Variants in PCDH15 observed in about 807,000 individuals in gnomAD.
The protein encoded by PCDH15 is protocadherin related 15, also known as protocadherin-15.
A neutral mutation model predicts 178.5 loss-of-function variants in PCDH15; 129 were observed. The observed-to-expected ratio is 0.72, with a 90% CI of 0.63 to 0.84. The LOEUF (loss-of-function observed/expected upper bound fraction) is 0.84, where lower values mean the gene tolerates loss of function less well. Among genes scored for constraint, PCDH15 ranks in the 40% least tolerant of loss-of-function variants. PCDH15 has a pLI of 0.00. For missense variants in PCDH15, 2,230 were observed against 2,099.9 expected, an observed-to-expected ratio of 1.06 and a Z score of -1.21; for synonymous variants, 800 against 732.0, an observed-to-expected ratio of 1.09 and a Z score of -1.50.
At chr10:54,748,521 T>C (rs540749625) in intron 1 of PCDH15, among the ~76,000 whole-genome samples, 2 of 152,262 alleles carry the variant, frequency 1.3e-5, no homozygotes, top group East Asian at 3.9e-4. Flanking sequence ...ACCCCATGTG[T>C]CCCCACGGTA....
chr10:54,730,575 T>A (rs921681194), intron 1 of PCDH15, among the ~76,000 whole-genome samples: 1 of 151,318 alleles, frequency 6.6e-6, no homozygotes, highest in Non-Finnish European at 1.5e-5. Flanking sequence ...CATAAGAAAG[T>A]AATCAAAGTA....
chr10:54,077,123 T>G (rs2094355306), intron 17 of PCDH15, among the ~76,000 whole-genome samples: 1 of 152,102 alleles, frequency 6.6e-6, no homozygotes, highest in East Asian at 1.9e-4. Flanking sequence ...TGAATAAACT[T>G]TTGTTTGAAA....
intron 8 of PCDH15, among the ~76,000 whole-genome samples, chr10:54,263,099 T>A (rs894797124): frequency 6.6e-6 from 1 of 151,872 alleles, no homozygotes; most frequent in Non-Finnish European, 1.5e-5. Context: ...TTGTCTCATG[T>A]TGTGTTTTGA....
At position 54,853,460 on chromosome 10, in the gene PCDH15, C is replaced by CATATAT. The variant is rs71888268; in HGVS notation, c.-29+43984_-29+43989dup. On this transcript the variant is annotated intron_variant, in intron 3 of 5. Coordinates refer to the PCDH15 transcript ENST00000458638. ...ATACACATATATATATATACACATA[C>CATATAT]ATATATATATATATATAGTATTACA... Among the ~76,000 whole-genome samples the CATATAT allele has an allele frequency of 2.2e-3, 309 of 140,512 alleles. 2 individuals are homozygous for CATATAT. The highest frequency in any genetic ancestry group is 6.5e-3 in the African/African-American group (246 of 38,076). The allele number at this position is 140,512 out of a possible 152,430, so 92.2% of individuals were successfully genotyped here.
chr10:54,616,960 T>C (rs992333345), intron 2 of PCDH15, among the ~76,000 whole-genome samples: 1 of 152,114 alleles, frequency 6.6e-6, no homozygotes, highest in Non-Finnish European at 1.5e-5. Flanking sequence ...AAAGAAAACC[T>C]AGTTCATAAG....
intron 1 of PCDH15, among the ~76,000 whole-genome samples, chr10:55,218,197 A>C (rs932438385): frequency 6.6e-6 from 1 of 152,000 alleles, no homozygotes; most frequent in Non-Finnish European, 1.5e-5. Context: ...TATTGTTCCC[A>C]ATCACATGGA....
At chr10:54,534,125 G>C (rs1173556015) in intron 2 of PCDH15, among the ~76,000 whole-genome samples, 1 of 151,918 alleles carries the variant, frequency 6.6e-6, no homozygotes, top group Non-Finnish European at 1.5e-5. Flanking sequence ...GCCTACATTT[G>C]CTTTTATTAG....
At position 54,362,063 on chromosome 10, in the gene PCDH15, A is replaced by G. The variant is rs114531150; in HGVS notation, c.474+7057T>C. 1.6e-3 allele frequency among the ~76,000 whole-genome samples: 236 copies of G among 152,248 alleles called. 1 individual carries two copies. The highest frequency in any genetic ancestry group is 5.5e-3 in the African/African-American group (228 of 41,582). On this transcript the variant is annotated intron_variant, in intron 5 of 37. Transcript: ENST00000644397. ...AGTTTGAGTCTGTGGGCAGCTATCT[A>G]TAAGTACTAAGTAAGTTATTTCATG... is the stretch of plus-strand genomic sequence containing the variant.
At chr10:54,442,356 G>A (rs575327013) in intron 3 of PCDH15, among the ~76,000 whole-genome samples, 85 of 123,860 alleles carry the variant, frequency 6.9e-4, no homozygotes, top group African/African-American at 2.4e-3. Flanking sequence ...TAGAAACTAC[G>A]TGCCACTTTT....
chr10:54,853,159 C>T (rs529348869), intron 3 of PCDH15, among the ~76,000 whole-genome samples: 144 of 150,756 alleles, frequency 9.6e-4, no homozygotes, highest in African/African-American at 3.4e-3. Flanking sequence ...ACTTGGGAGG[C>T]TGAGGCAGGA....
chr10:55,326,450 A>C (rs2132305173), intron 2 of PCDH15, among the ~76,000 whole-genome samples: 1 of 152,254 alleles, frequency 6.6e-6, no homozygotes, highest in African/African-American at 2.4e-5. Flanking sequence ...ATGGAGCTGG[A>C]GGCCATTATC....
intron 18 of PCDH15, among the ~76,000 whole-genome samples, chr10:54,059,997 A>C (rs1027631432): frequency 2.6e-5 from 4 of 152,230 alleles, no homozygotes; most frequent in Non-Finnish European, 4.4e-5. Context: ...AGCTGGACTT[A>C]TTTTAAGATG....
intron 13 of PCDH15, among the ~76,000 whole-genome samples, chr10:54,158,003 C>G (rs1014368549): frequency 1.3e-5 from 2 of 152,190 alleles, no homozygotes; most frequent in Non-Finnish European, 2.9e-5. Context: ...ACATCACTAT[C>G]AGCATTTTGG....
At chr10:54,138,744 A>G (rs2043111040) in intron 14 of PCDH15, among the ~76,000 whole-genome samples, 1 of 152,170 alleles carries the variant, frequency 6.6e-6, no homozygotes, top group Non-Finnish European at 1.5e-5. Context: ...ATTTTGATTC[A>G]CAGCCTTCAA....
At chr10:54,229,258 C>A (rs2053801908) in intron 9 of PCDH15, among the ~76,000 whole-genome samples, 1 of 152,136 alleles carries the variant, frequency 6.6e-6, no homozygotes, top group African/African-American at 2.4e-5. Flanking sequence ...GTAATTAATA[C>A]AATTATTTAT....
At chr10:54,878,610 G>A (rs1045189474) in intron 3 of PCDH15, among the ~76,000 whole-genome samples, 3 of 151,882 alleles carry the variant, frequency 2.0e-5, no homozygotes, top group Admixed American at 6.6e-5. Context: ...ATATGATAAT[G>A]GCACTTACAT....
chr10:53,866,967 C>A, intron 26 of PCDH15, 110 bp from the exon 27 acceptor site: 1 of 746,406 alleles, frequency 1.3e-6, no homozygotes, highest in Non-Finnish European at 2.3e-6. Flanking sequence ...AATAATAACA[C>A]AATAAAGCCC....
intron 15 of PCDH15, among the ~76,000 whole-genome samples, chr10:54,099,129 GCAAA>G (rs1439461263): frequency 3.3e-5 from 5 of 152,146 alleles, no homozygotes; most frequent in African/African-American, 1.2e-4. Flanking sequence ...CCGGACACAG[GCAAA>G]CAGTGAATGA....
chr10:54,339,118 A>T (rs1253997234), intron 6 of PCDH15, among the ~76,000 whole-genome samples: 1 of 152,216 alleles, frequency 6.6e-6, no homozygotes, highest in Non-Finnish European at 1.5e-5. Flanking sequence ...CATGGGGCCC[A>T]GGTTGGCTCT....
Sources: gnomAD v4.1 joint callset for allele counts (sites outside exome capture counted in the v4.1 genomes callset) on GRCh38, gnomAD v4.1.1 for gene constraint, MANE v1.5 for transcripts, NCBI Gene and HGNC (gene_info 2026-07-23, HGNC 2026-07-21) for gene names.